The following KCNQ5 variants were observed in gnomAD, a reference collection of about 807,000 sequenced individuals.
The protein encoded by KCNQ5 is potassium voltage-gated channel subfamily Q member 5.
KCNQ5 carries 30 observed loss-of-function variants against 98.2 expected under a neutral mutation model. That is an observed-to-expected ratio of 0.31 (90% CI 0.23 to 0.41). The LOEUF (loss-of-function observed/expected upper bound fraction) is 0.41, where lower values mean the gene tolerates loss of function less well. Among genes scored for constraint, KCNQ5 ranks in the 10% least tolerant of loss-of-function variants. The pLI is 1.00. For synonymous variants in KCNQ5, 458 were observed against 449.4 expected, an observed-to-expected ratio of 1.02 and a Z score of -0.24; for missense variants, 835 against 1,182.5, an observed-to-expected ratio of 0.71 and a Z score of 4.31.
chr6:73,185,203 A>C (rs984412752), intron 11 of KCNQ5, among the ~76,000 whole-genome samples: 5 of 152,152 alleles, frequency 3.3e-5, no homozygotes, highest in African/African-American at 1.2e-4. Context: ...TTTTGAGACA[A>C]GGTCCCACTC....
At chr6:73,173,396 G>A (rs1330383064) in intron 11 of KCNQ5, among the ~76,000 whole-genome samples, 1 of 152,078 alleles carries the variant, frequency 6.6e-6, no homozygotes, top group Admixed American at 6.6e-5. Context: ...CAAACAAATG[G>A]ATAGACTCTA....
In KCNQ5 at chr6:73,196,121, T is replaced by C. The variant is rs189942613; in HGVS notation, c.*707T>C. 29 of 152,694 alleles carry C rather than the reference T, an allele frequency of 1.9e-4. No homozygotes were observed. The highest frequency in any genetic ancestry group is 7.0e-4 in the African/African-American group (29 of 41,580). The allele number at this position is 152,694 out of a possible 1,614,324, so 9.5% of individuals were successfully genotyped here. A position where few individuals can be genotyped will look rare whatever the true frequency, so the allele number is the denominator to read the frequency against. On this transcript the variant is annotated 3_prime_UTR_variant, in exon 14 of 14. Coordinates refer to ENST00000370398, the MANE Select transcript of KCNQ5 (RefSeq NM_019842.4). Reference sequence around the variant, plus strand: ...AGGCAAATAGACTATCTGACATATTTGACTTTATGAAAACATATTGCCTGA... The same window carrying C: ...AGGCAAATAGACTATCTGACATATTCGACTTTATGAAAACATATTGCCTGA...
Position 73,198,786 on chromosome 6 carries a change from T to G in KCNQ5, c.*3372T>G, listed in dbSNP as rs1475988615. The stretch of plus-strand genomic sequence containing the variant: ...ATTTCAAGCTATCATTAAAGTGTAA[T>G]TTCCTTTGCTCTCTTTTACTGGGAT... On this transcript the variant is annotated 3_prime_UTR_variant, in exon 14 of 14. Transcript: ENST00000370398. 1 of 152,232 alleles carries G rather than the reference T, an allele frequency of 6.6e-6. No individual in the cohort carries two copies. Among genetic ancestry groups the G allele is most frequent in the Non-Finnish European group, 1.5e-5 (1 of 68,040 alleles). The allele number at this position is 152,232 out of a possible 1,614,324, so 9.4% of individuals were successfully genotyped here.
intron 2 of KCNQ5, among the ~76,000 whole-genome samples, chr6:73,038,741 C>A (rs1771556483): frequency 6.6e-6 from 1 of 151,816 alleles, no homozygotes; most frequent in Non-Finnish European, 1.5e-5. Flanking sequence ...TGACTGTTTG[C>A]TAATATTTTG....
intron 1 of KCNQ5, among the ~76,000 whole-genome samples, chr6:72,835,482 A>G (rs527251692): frequency 7.9e-5 from 12 of 152,148 alleles, no homozygotes; most frequent in Non-Finnish European, 1.5e-4. Context: ...TGATTCTTAG[A>G]TCACAAAATA....
At chr6:72,702,516 C>CTAT (rs1768866538) in intron 1 of KCNQ5, among the ~76,000 whole-genome samples, 1 of 152,074 alleles carries the variant, frequency 6.6e-6, no homozygotes, top group Admixed American at 6.5e-5. Context: ...GAATAAATAG[C>CTAT]TATGATCGAA....
At chr6:73,181,612 A>G (rs187005272) in intron 11 of KCNQ5, among the ~76,000 whole-genome samples, 127 of 152,376 alleles carry the variant, frequency 8.3e-4, no homozygotes, top group Non-Finnish European at 1.3e-3. Context: ...ACTTAGCAAA[A>G]GTGTATTGAA....
At chr6:73,082,799 G>A (rs551438313) in intron 5 of KCNQ5, among the ~76,000 whole-genome samples, 1 of 151,766 alleles carries the variant, frequency 6.6e-6, no homozygotes, top group African/African-American at 2.4e-5. Flanking sequence ...GAGGCTTGCA[G>A]AGCACAAAAT....
At chr6:72,748,683 C>T (rs1771526320) in intron 1 of KCNQ5, among the ~76,000 whole-genome samples, 3 of 152,080 alleles carry the variant, frequency 2.0e-5, no homozygotes, top group Non-Finnish European at 2.9e-5. Flanking sequence ...CTCACTAAAT[C>T]AGGCAGTTGT....
chr6:72,731,050 A>G (rs1277834166), intron 1 of KCNQ5, among the ~76,000 whole-genome samples: 1 of 152,152 alleles, frequency 6.6e-6, no homozygotes, highest in Non-Finnish European at 1.5e-5. Context: ...GATTCTATTT[A>G]TGGCTTAGCA....
At chr6:72,834,029 G>A (rs540494072) in intron 1 of KCNQ5, among the ~76,000 whole-genome samples, 3 of 152,194 alleles carry the variant, frequency 2.0e-5, no homozygotes, top group African/African-American at 7.2e-5. Flanking sequence ...ATTGTATCTG[G>A]TAAAGAAGGT....
At chr6:73,089,404 G>A (rs543474555) in intron 5 of KCNQ5, among the ~76,000 whole-genome samples, 308 of 152,136 alleles carry the variant, frequency 2.0e-3, no homozygotes, top group African/African-American at 7.0e-3. Context: ...ATTATACAGT[G>A]TCCCCCAGCG....
At chr6:73,032,477 T>C (rs1182902823) in intron 2 of KCNQ5, among the ~76,000 whole-genome samples, 1 of 152,158 alleles carries the variant, frequency 6.6e-6, no homozygotes, top group Non-Finnish European at 1.5e-5. Context: ...CTCATGTAGT[T>C]CTTAAGAGGA....
chr6:72,894,348 C>T (rs1779166720), intron 1 of KCNQ5, among the ~76,000 whole-genome samples: 1 of 152,192 alleles, frequency 6.6e-6, no homozygotes, highest in East Asian at 1.9e-4. Context: ...CATTTCTCTG[C>T]CGGCATTCAG....
At chr6:72,701,899 G>C (rs765669315) in intron 1 of KCNQ5, among the ~76,000 whole-genome samples, 1 of 152,072 alleles carries the variant, frequency 6.6e-6, no homozygotes, top group African/African-American at 2.4e-5. Context: ...TTGCCATGTT[G>C]CCCAGGCTGG....
intron 1 of KCNQ5, among the ~76,000 whole-genome samples, chr6:72,849,703 T>C (rs955969257): frequency 2.6e-5 from 4 of 152,176 alleles, no homozygotes; most frequent in African/African-American, 9.6e-5. Context: ...TCTTTCCACA[T>C]AGCCCTCTAT....
At chr6:72,713,363 C>T (rs1244653421) in intron 1 of KCNQ5, among the ~76,000 whole-genome samples, 1 of 152,170 alleles carries the variant, frequency 6.6e-6, no homozygotes, top group Non-Finnish European at 1.5e-5. Flanking sequence ...TTGAGAGAAG[C>T]ATCACCATCC....
intron 1 of KCNQ5, among the ~76,000 whole-genome samples, chr6:72,872,331 A>G (rs1032706094): frequency 5.3e-5 from 8 of 152,168 alleles, no homozygotes; most frequent in Non-Finnish European, 8.8e-5. Flanking sequence ...GCCTTCCAGT[A>G]TATTTGTCAT....
At position 72,629,610 on chromosome 6, in the gene KCNQ5, A is replaced by G. The variant is rs543127721; in HGVS notation, c.398+7023A>G. On this transcript the variant is annotated intron_variant, in intron 1 of 13. Coordinates refer to ENST00000370398, the MANE Select transcript of KCNQ5 (RefSeq NM_019842.4). ...CAGCAGCCTTCTGAAAATTGCTTGC[A>G]AAGAAGTAGCGCCAGTTTTAATTTT... Among the ~76,000 whole-genome samples the G allele has an allele frequency of 9.2e-5, 14 of 152,360 alleles. No individual in the cohort carries two copies. In the South Asian group the frequency reaches 2.7e-3, roughly 29 times the overall value.
Sources: allele counts gnomAD v4.1 joint callset (sites outside exome capture counted in the v4.1 genomes callset), GRCh38; gene constraint gnomAD v4.1.1; transcripts MANE v1.5; gene names NCBI Gene and HGNC (gene_info 2026-07-23, HGNC 2026-07-21).